EBF1: variants seen among roughly 807,000 people sequenced by gnomAD.
The protein encoded by EBF1 is transcription factor COE1.
A neutral mutation model predicts 68.4 loss-of-function variants in EBF1; 10 were observed. The observed-to-expected ratio is 0.15, with a 90% CI of 0.09 to 0.25. The LOEUF (loss-of-function observed/expected upper bound fraction) is 0.25. Ranked by LOEUF, EBF1 falls within the 10% of genes least tolerant of loss-of-function variation. The pLI is 1.00. For synonymous variants in EBF1, 298 were observed against 299.8 expected (o/e 0.99, Z 0.06); for missense variants, 509 against 794.4 (o/e 0.64, Z 4.32).
At chr5:158,811,416 A>G (rs1236898122) in intron 8 of EBF1, among the ~76,000 whole-genome samples, 1 of 152,210 alleles carries the variant, frequency 6.6e-6, no homozygotes, top group Non-Finnish European at 1.5e-5. Context: ...AACAATAAGA[A>G]AAAACAGTGG....
chr5:158,863,518 G>C (rs2128038622), intron 6 of EBF1, among the ~76,000 whole-genome samples: 1 of 152,224 alleles, frequency 6.6e-6, no homozygotes, highest in Middle Eastern at 3.4e-3. Context: ...AACAACAAAT[G>C]ATAAAATGCT....
At chr5:158,963,526 G>T (rs1048126604) in intron 6 of EBF1, among the ~76,000 whole-genome samples, 2 of 152,034 alleles carry the variant, frequency 1.3e-5, no homozygotes, top group Non-Finnish European at 2.9e-5. Flanking sequence ...CCAGTTATAG[G>T]CCTCTGCCTA....
At chr5:158,941,428 C>T (rs1813351116) in intron 6 of EBF1, among the ~76,000 whole-genome samples, 1 of 152,164 alleles carries the variant, frequency 6.6e-6, no homozygotes, top group Non-Finnish European at 1.5e-5. Context: ...GATATTCGTT[C>T]ATCCTGTCTC....
At chr5:158,945,999 G>C (rs770111241) in intron 6 of EBF1, among the ~76,000 whole-genome samples, 1 of 151,812 alleles carries the variant, frequency 6.6e-6, no homozygotes, top group Non-Finnish European at 1.5e-5. Context: ...TGTATGTTTC[G>C]GGAAGTTCTC....
intron 10 of EBF1, among the ~76,000 whole-genome samples, chr5:158,765,021 C>T (rs1293467607): frequency 6.6e-6 from 1 of 152,112 alleles, no homozygotes; most frequent in Non-Finnish European, 1.5e-5. Context: ...CATTTAAGTA[C>T]ATTTACTTGT....
intron 11 of EBF1, among the ~76,000 whole-genome samples, chr5:158,722,537 G>A (rs1433388028): frequency 6.6e-6 from 1 of 152,124 alleles, no homozygotes; most frequent in Non-Finnish European, 1.5e-5. Flanking sequence ...TATATTTTTG[G>A]ACGTATACTA....
At chr5:158,744,540 A>G (rs1266306362) in intron 10 of EBF1, among the ~76,000 whole-genome samples, 1 of 152,228 alleles carries the variant, frequency 6.6e-6, no homozygotes, top group Admixed American at 6.5e-5. Flanking sequence ...CATAAATGGC[A>G]CACACAGTTT....
chr5:159,006,371 G>C (rs758559782), intron 6 of EBF1, among the ~76,000 whole-genome samples: 22 of 151,982 alleles, frequency 1.4e-4, no homozygotes, highest in Admixed American at 7.9e-4. Context: ...ATCCCAGAGT[G>C]GTGGCCACTC....
intron 6 of EBF1, among the ~76,000 whole-genome samples, chr5:159,001,930 T>C (rs1762619280): frequency 6.6e-6 from 1 of 152,300 alleles, no homozygotes; most frequent in South Asian, 2.1e-4. Context: ...TGTGTGTGTG[T>C]TTGTGTGTGT....
At chr5:158,978,811 C>T (rs997786491) in intron 6 of EBF1, among the ~76,000 whole-genome samples, 1 of 147,282 alleles carries the variant, frequency 6.8e-6, no homozygotes, top group African/African-American at 2.6e-5. Flanking sequence ...CACACACACA[C>T]ACACACACAC....
chr5:158,807,479 C>G (rs1029989591), intron 8 of EBF1, among the ~76,000 whole-genome samples: 6 of 152,264 alleles, frequency 3.9e-5, no homozygotes, highest in South Asian at 2.1e-4. Context: ...CATATAATCT[C>G]TCTATCTTCA....
chr5:158,926,727 CAA>C (rs1156550821), intron 6 of EBF1, among the ~76,000 whole-genome samples: 13 of 71,854 alleles, frequency 1.8e-4, no homozygotes, highest in East Asian at 3.5e-4. Flanking sequence ...GACTACATTT[CAA>C]AAAAAAAAAA....
At chr5:158,746,146 G>A (rs1321863042) in intron 10 of EBF1, among the ~76,000 whole-genome samples, 1 of 152,124 alleles carries the variant, frequency 6.6e-6, no homozygotes, top group African/African-American at 2.4e-5. Context: ...TTCTCCTAAG[G>A]TACACGCATC....
At chr5:158,981,701 A>G (rs934087892) in intron 6 of EBF1, among the ~76,000 whole-genome samples, 6 of 152,212 alleles carry the variant, frequency 3.9e-5, no homozygotes, top group Non-Finnish European at 1.5e-5. Context: ...TAAAGGTTTT[A>G]TGTTGTTGGT....
intron 8 of EBF1, among the ~76,000 whole-genome samples, chr5:158,810,082 T>C (rs1283373287): frequency 6.6e-6 from 1 of 152,198 alleles, no homozygotes; most frequent in African/African-American, 2.4e-5. Context: ...GGTTTGACTT[T>C]ATAGATTTGT....
intron 11 of EBF1, among the ~76,000 whole-genome samples, chr5:158,728,536 C>T (rs1030387963): frequency 3.5e-4 from 53 of 152,216 alleles, no homozygotes; most frequent in African/African-American, 1.1e-3. Flanking sequence ...GTCTGGTTTC[C>T]GTAGACCTCA....
At position 159,008,804 on chromosome 5, in the gene EBF1, T is replaced by C. The variant is rs191554560; in HGVS notation, c.554+64592A>G. 9.4e-3 allele frequency among the ~76,000 whole-genome samples: 1,428 copies of C among 152,316 alleles called. 18 individuals are homozygous for C. The highest frequency in any genetic ancestry group is 0.033 in the African/African-American group (1,361 of 41,568). On this transcript the variant is annotated intron_variant, in intron 6 of 15. Transcript: ENST00000313708. ...CGCCCACCTTGGCCTCCCAAAGTGC[T>C]GGGATTACAGGTGTGAGCCACCGCG...
intron 14 of EBF1, among the ~76,000 whole-genome samples, chr5:158,708,392 G>T (rs989960791): frequency 6.6e-6 from 1 of 152,116 alleles, no homozygotes; most frequent in Admixed American, 6.5e-5. Flanking sequence ...TGTGTTTATT[G>T]TGGGGCCACT....
At position 158,735,777 on chromosome 5, in the gene EBF1, C is replaced by A. The variant is rs564784185; in HGVS notation, c.1037-4620G>T. 3.3e-5 allele frequency among the ~76,000 whole-genome samples: 5 copies of A among 152,276 alleles called. No homozygotes were observed. The South Asian group carries it at 1.0e-3, about 32-fold the overall frequency. ...CTTATAGAGGGCTTTAGGTTCCTTC[C>A]GGATCTCATCATCTCAGAGTCCCCT... On this transcript the variant is annotated intron_variant, in intron 10 of 15. Transcript: ENST00000313708.
Sources: gnomAD v4.1 joint callset for allele counts (sites outside exome capture counted in the v4.1 genomes callset) on GRCh38, gnomAD v4.1.1 for gene constraint, MANE v1.5 for transcripts, NCBI Gene and HGNC (gene_info 2026-07-23, HGNC 2026-07-21) for gene names.